TENM3: variants seen among roughly 807,000 people sequenced by gnomAD.
The protein encoded by TENM3 is teneurin transmembrane protein 3.
A neutral mutation model predicts 255.1 loss-of-function variants in TENM3; 63 were observed. That is an observed-to-expected ratio of 0.25 (90% CI 0.20 to 0.30). The LOEUF is 0.30. Among genes scored for constraint, TENM3 ranks in the 10% least tolerant of loss-of-function variants. The pLI, the probability that TENM3 is intolerant of heterozygous loss-of-function variation, is 1.00. For missense variants in TENM3, 2,929 were observed against 3,461.1 expected, an observed-to-expected ratio of 0.85 and a Z score of 3.86; for synonymous variants, 1,306 against 1,322.3, an observed-to-expected ratio of 0.99 and a Z score of 0.27.
intron 1 of TENM3, among the ~76,000 whole-genome samples, chr4:182,281,214 G>A (rs1289898243): frequency 6.6e-6 from 1 of 152,188 alleles, no homozygotes; most frequent in Non-Finnish European, 1.5e-5. Context: ...AAGTGTGACA[G>A]CCTTGGTAGA....
chr4:181,461,318 G>A, the TENM3 span, among the ~76,000 whole-genome samples: 22 of 151,582 alleles, frequency 1.5e-4, no homozygotes, highest in African/African-American at 5.1e-4. Flanking sequence ...TCTCTTTATC[G>A]TTGCTATTTA....
intron 1 of TENM3, among the ~76,000 whole-genome samples, chr4:182,268,684 G>A (rs924809397): frequency 1.3e-5 from 2 of 152,116 alleles, no homozygotes; most frequent in African/African-American, 2.4e-5. Flanking sequence ...CCAAGATGAT[G>A]ACAAGAGTGA....
At chr4:182,051,378 C>CT in the TENM3 span, among the ~76,000 whole-genome samples, 8,444 of 129,374 alleles carry the variant, frequency 0.065, 996 homozygotes, top group African/African-American at 0.22. Context: ...TTTTTCCTCT[C>CT]TTTTTTTTTT....
chr4:181,460,982 A>G, the TENM3 span, among the ~76,000 whole-genome samples: 94,542 of 151,744 alleles, frequency 0.62, 30,162 homozygotes, highest in African/African-American at 0.73. Flanking sequence ...ATCTATGTCC[A>G]TTCAAATTTC....
chr4:181,485,776 T>C, the TENM3 span, among the ~76,000 whole-genome samples: 2 of 152,152 alleles, frequency 1.3e-5, no homozygotes, highest in African/African-American at 4.8e-5. Context: ...GGAATTAGTT[T>C]AAAAATATAA....
intron 12 of TENM3, among the ~76,000 whole-genome samples, chr4:182,711,060 G>A (rs17073904): frequency 1.3e-5 from 2 of 152,000 alleles, no homozygotes; most frequent in Non-Finnish European, 2.9e-5. Flanking sequence ...TATCTGGCTT[G>A]CAGTCAAGAG....
chr4:181,971,003 A>C, the TENM3 span, among the ~76,000 whole-genome samples: 34,141 of 152,008 alleles, frequency 0.22, 4,078 homozygotes, highest in Non-Finnish European at 0.28. Context: ...GCTGGAGTGC[A>C]GTGGTGCGAT....
chr4:181,612,917 A>G, the TENM3 span, among the ~76,000 whole-genome samples: 14 of 152,226 alleles, frequency 9.2e-5, no homozygotes, highest in African/African-American at 3.1e-4. Flanking sequence ...CTGTGTTGCC[A>G]GGATAAGAAA....
the TENM3 span, among the ~76,000 whole-genome samples, chr4:181,727,640 T>C: frequency 2.0e-5 from 3 of 152,246 alleles, no homozygotes; most frequent in African/African-American, 7.2e-5. Flanking sequence ...TAATATTTAC[T>C]ATATTTTATT....
At chr4:181,567,947 C>A in the TENM3 span, among the ~76,000 whole-genome samples, 1 of 152,032 alleles carries the variant, frequency 6.6e-6, no homozygotes, top group Non-Finnish European at 1.5e-5. Context: ...CTTTGGCCAA[C>A]TTACTTGTCA....
At chr4:182,491,050 T>C (rs1346088932) in intron 3 of TENM3, among the ~76,000 whole-genome samples, 2 of 152,220 alleles carry the variant, frequency 1.3e-5, no homozygotes, top group Non-Finnish European at 2.9e-5. Flanking sequence ...TAAATTATTT[T>C]CCTGAACTCA....
At chr4:182,455,228 G>A (rs139219023) in intron 3 of TENM3, among the ~76,000 whole-genome samples, 28 of 152,232 alleles carry the variant, frequency 1.8e-4, no homozygotes, top group Admixed American at 1.6e-3. Flanking sequence ...TGGATCAAAA[G>A]GTGTTTAAAA....
chr4:181,654,973 T>C, the TENM3 span, among the ~76,000 whole-genome samples: 835 of 152,202 alleles, frequency 5.5e-3, 3 homozygotes, highest in African/African-American at 0.019. Flanking sequence ...GGTTTAGAGA[T>C]AGACAGACAA....
At chr4:181,990,879 T>G in the TENM3 span, among the ~76,000 whole-genome samples, 46 of 152,264 alleles carry the variant, frequency 3.0e-4, no homozygotes, top group Non-Finnish European at 4.4e-4. Flanking sequence ...ATAGCATCAC[T>G]GATAGGAAAC....
chr4:182,104,193 C>T, the TENM3 span, among the ~76,000 whole-genome samples: 1 of 152,192 alleles, frequency 6.6e-6, no homozygotes, highest in Non-Finnish European at 1.5e-5. Flanking sequence ...CATCAGCTCC[C>T]AAACATGTTG....
the TENM3 span, among the ~76,000 whole-genome samples, chr4:181,579,796 A>C: frequency 2.0e-5 from 3 of 152,112 alleles, no homozygotes; most frequent in African/African-American, 7.2e-5. Flanking sequence ...TCCAGGAAGA[A>C]GAGACTAGGT....
At chr4:181,725,420 CTT>C in the TENM3 span, among the ~76,000 whole-genome samples, 568 of 133,774 alleles carry the variant, frequency 4.2e-3, 4 homozygotes, top group Non-Finnish European at 5.9e-3. Context: ...CTTTTTCTTT[CTT>C]TTTTTTTTTT....
intron 1 of TENM3, chr4:182,169,523 T>G: frequency 3.6e-6 from 1 of 281,440 alleles, no homozygotes; most frequent in South Asian, 3.1e-5. Flanking sequence ...AGAATTTATC[T>G]TATATTTATT....
rs1273561763 is a variant in TENM3, at chr4:182,323,914, G to GCTGA, written c.-75-30_-75-27dup. ...TAGCCAGTTTTTAGGTGAACGTCAT[G>GCTGA]CTGACCTCATGCAAACCTTGTATCT... On this transcript the variant is annotated intron_variant, in intron 1 of 27. Transcript: ENST00000511685. 5.5e-5 allele frequency: 50 copies of GCTGA among 912,284 alleles called. 1 individual carries two copies. In the East Asian group the frequency reaches 1.3e-3, roughly 24 times the overall value. 56.5% of individuals were successfully genotyped at this position (912,284 alleles called of 1,614,324 possible).
Sources: gnomAD v4.1 joint callset for allele counts (sites outside exome capture counted in the v4.1 genomes callset) on GRCh38, gnomAD v4.1.1 for gene constraint, MANE v1.5 for transcripts, NCBI Gene and HGNC (gene_info 2026-07-23, HGNC 2026-07-21) for gene names.